DPP6: variants seen among roughly 807,000 people sequenced by gnomAD.
The protein encoded by DPP6 is A-type potassium channel modulatory protein DPP6.
DPP6 carries 69 observed loss-of-function variants against 122.6 expected under a neutral mutation model. The ratio of observed to expected loss-of-function variants is 0.56; its 90% CI spans 0.46 to 0.69. DPP6 has a LOEUF of 0.69. DPP6 is among the 30% of genes least tolerant of loss of function. The probability of loss-of-function intolerance (pLI) is 0.00; values close to 1 mark genes in which losing one functional copy is unlikely to be tolerated. For missense variants in DPP6, 928 were observed against 1,116.9 expected, an observed-to-expected ratio of 0.83 and a Z score of 2.41; for synonymous variants, 418 against 433.1, an observed-to-expected ratio of 0.97 and a Z score of 0.43.
intron 1 of DPP6, among the ~76,000 whole-genome samples, chr7:153,926,736 C>T (rs1157044700): frequency 6.6e-6 from 1 of 152,012 alleles, no homozygotes; most frequent in African/African-American, 2.4e-5. Flanking sequence ...ATTAGAATTT[C>T]TCCCTATGTA....
At chr7:154,745,225 T>C (rs564199302) in intron 8 of DPP6, among the ~76,000 whole-genome samples, 2 of 152,298 alleles carry the variant, frequency 1.3e-5, no homozygotes, top group African/African-American at 2.4e-5. Flanking sequence ...GGTCTCCTCA[T>C]CCTGGAGGTC....
At chr7:154,785,697 A>G (rs182456283) in intron 10 of DPP6, among the ~76,000 whole-genome samples, 1 of 152,260 alleles carries the variant, frequency 6.6e-6, no homozygotes, top group East Asian at 1.9e-4. Flanking sequence ...CTGTCCTGTA[A>G]TCATAACTAA....
At chr7:154,127,181 T>C (rs1807951813) in intron 1 of DPP6, among the ~76,000 whole-genome samples, 1 of 152,242 alleles carries the variant, frequency 6.6e-6, no homozygotes, top group African/African-American at 2.4e-5. Context: ...TGTGGGCATT[T>C]GATACTAAGT....
chr7:154,623,653 GCGCACACACA>G (rs995367242), intron 5 of DPP6, among the ~76,000 whole-genome samples: 48 of 134,596 alleles, frequency 3.6e-4, no homozygotes, highest in Admixed American at 5.6e-4. Flanking sequence ...GCGCACACAC[GCGCACACACA>G]CGCACACACA....
intron 1 of DPP6, among the ~76,000 whole-genome samples, chr7:154,374,227 A>C (rs1353466638): frequency 1.3e-5 from 2 of 152,134 alleles, no homozygotes; most frequent in African/African-American, 4.8e-5. Context: ...ACATTATTTC[A>C]TGTTTACGAG....
chr7:154,848,653 A>G (rs1239302133), intron 16 of DPP6, among the ~76,000 whole-genome samples: 1 of 152,198 alleles, frequency 6.6e-6, no homozygotes, highest in African/African-American at 2.4e-5. Context: ...TGCTATGCAG[A>G]AATTTAGGAT....
rs1326969757 is a variant in DPP6, at chr7:154,893,670, T to C, written c.*1190T>C. The C allele has an allele frequency of 6.6e-6, 1 of 151,950 alleles. No individual in the cohort carries two copies. Among genetic ancestry groups the C allele is most frequent in the Non-Finnish European group, 1.5e-5 (1 of 68,002 alleles). The allele number at this position is 151,950 out of a possible 1,614,324, so 9.4% of individuals were successfully genotyped here. A position where few individuals can be genotyped will look rare whatever the true frequency, so the allele number is the denominator to read the frequency against. On this transcript the variant is annotated 3_prime_UTR_variant, in exon 26 of 26. Coordinates refer to ENST00000377770, the MANE Select transcript of DPP6 (RefSeq NM_130797.4). The stretch of plus-strand genomic sequence containing the variant: ...CCTTGTAAGATACACCCCCACCAAA[T>C]GTGCAGCCGGTGTTCCCAGTGTATA...
chr7:154,009,534 C>A (rs1221988208), intron 1 of DPP6, among the ~76,000 whole-genome samples: 3 of 151,692 alleles, frequency 2.0e-5, no homozygotes. Flanking sequence ...TGGCTGGTCT[C>A]CTGCTAATGA....
intron 1 of DPP6, among the ~76,000 whole-genome samples, chr7:154,358,081 T>A (rs75758437): frequency 0.038 from 5,774 of 152,282 alleles, 379 homozygotes; most frequent in African/African-American, 0.13. Flanking sequence ...GGACCTTGAC[T>A]TGTTAAGATT....
the DPP6 span, among the ~76,000 whole-genome samples, chr7:153,764,446 G>A: frequency 1.3e-5 from 2 of 151,986 alleles, no homozygotes; most frequent in African/African-American, 2.4e-5. Flanking sequence ...CTCTGCACTC[G>A]CCAGTCTTAA....
At chr7:154,601,290 T>C (rs746204167) in intron 5 of DPP6, among the ~76,000 whole-genome samples, 2 of 121,550 alleles carry the variant, frequency 1.6e-5, no homozygotes, top group African/African-American at 5.2e-5. Flanking sequence ...TGTGAATTAC[T>C]GTGTAAGAAG....
At chr7:153,768,793 GTC>G in the DPP6 span, among the ~76,000 whole-genome samples, 6 of 152,098 alleles carry the variant, frequency 3.9e-5, no homozygotes, top group Non-Finnish European at 5.9e-5. Context: ...TACTTTTTCA[GTC>G]TCTTAATGGT....
intron 1 of DPP6, among the ~76,000 whole-genome samples, chr7:154,223,526 T>C (rs777710529): frequency 3.4e-5 from 5 of 149,196 alleles, no homozygotes; most frequent in Non-Finnish European, 7.4e-5. Flanking sequence ...GATAGTGGGG[T>C]GTAAGCCAGC....
chr7:154,137,690 T>G (rs1444864636), intron 1 of DPP6, among the ~76,000 whole-genome samples: 1 of 141,248 alleles, frequency 7.1e-6, no homozygotes, highest in Non-Finnish European at 1.5e-5. Flanking sequence ...TTATCCAAAT[T>G]GGAAAAGGCC....
chr7:153,998,181 TAGA>T (rs1354158401), intron 1 of DPP6, among the ~76,000 whole-genome samples: 5 of 151,742 alleles, frequency 3.3e-5, no homozygotes, highest in African/African-American at 9.7e-5. Context: ...TATCTCTAGA[TAGA>T]AGGGAAAAAA....
chr7:153,806,103 T>C, the DPP6 span, among the ~76,000 whole-genome samples: 34 of 151,798 alleles, frequency 2.2e-4, no homozygotes, highest in Non-Finnish European at 2.9e-4. Context: ...GTTTGGCAGC[T>C]CAGGACCATT....
rs189779903 is a variant in DPP6, at chr7:154,518,968, G to T, written c.458-21564G>T. ...GGTTAGGGAACTACATCAGACACGGGTTCTCATTTCACCAGGAAACAAATG... is the reference window on the plus strand; with the variant it reads ...GGTTAGGGAACTACATCAGACACGGTTTCTCATTTCACCAGGAAACAAATG... On this transcript the variant is annotated intron_variant, in intron 3 of 25. Transcript: ENST00000377770. Among the ~76,000 whole-genome samples, 672 of 152,142 alleles carry T rather than the reference G, an allele frequency of 4.4e-3. 1 individual carries two copies. Among genetic ancestry groups the T allele is most frequent in the Non-Finnish European group, 7.4e-3 (506 of 67,992 alleles).
intron 5 of DPP6, among the ~76,000 whole-genome samples, chr7:154,616,463 A>G (rs549976722): frequency 6.6e-6 from 1 of 152,290 alleles, no homozygotes; most frequent in East Asian, 1.9e-4. Flanking sequence ...GAAAGAGGGT[A>G]GAATCAAAAA....
intron 1 of DPP6, among the ~76,000 whole-genome samples, chr7:154,374,925 T>C (rs1376930298): frequency 6.6e-6 from 1 of 152,186 alleles, no homozygotes; most frequent in Non-Finnish European, 1.5e-5. Flanking sequence ...ATTATAGTTT[T>C]AATTAATTCT....
Sources: allele counts gnomAD v4.1 joint callset (sites outside exome capture counted in the v4.1 genomes callset), GRCh38; gene constraint gnomAD v4.1.1; transcripts MANE v1.5; gene names NCBI Gene and HGNC (gene_info 2026-07-23, HGNC 2026-07-21).